The following TDG variants were observed in gnomAD, a reference collection of about 807,000 sequenced individuals.
TDG encodes thymine DNA glycosylase.
Under a neutral mutation model 46.1 loss-of-function variants are expected in TDG, and 23 were observed. The observed-to-expected ratio is 0.50, with a 90% CI of 0.36 to 0.71. The LOEUF is 0.71. Among genes scored for constraint, TDG ranks in the 30% least tolerant of loss-of-function variants. The probability of loss-of-function intolerance (pLI) is 0.00; values close to 1 mark genes in which losing one functional copy is unlikely to be tolerated. For synonymous variants in TDG, 115 were observed against 161.3 expected, an observed-to-expected ratio of 0.71 and a Z score of 2.18; for missense variants, 304 against 486.7, an observed-to-expected ratio of 0.62 and a Z score of 3.53.
chr12:103,988,146 G>C lies in TDG; in HGVS notation c.*1056G>C, dbSNP rs1308902649. 6.6e-6 allele frequency: 1 copy of C among 152,658 alleles called. No individual in the cohort carries two copies. The highest frequency in any genetic ancestry group is 1.5e-5 in the Non-Finnish European group (1 of 68,052). The allele number at this position is 152,658 out of a possible 1,614,324, so 9.5% of individuals were successfully genotyped here. Reference sequence around the variant, plus strand: ...GTATACCTTTGTGATTTTCTAATGAGTTTTCCATGGTGCTACAAATAATCC... The same window carrying C: ...GTATACCTTTGTGATTTTCTAATGACTTTTCCATGGTGCTACAAATAATCC... On this transcript the variant is annotated 3_prime_UTR_variant, in exon 10 of 10. Coordinates refer to ENST00000392872, the MANE Select transcript of TDG (RefSeq NM_003211.6).
chr12:103,972,396 C>T (rs758908598), intron 1 of TDG, among the ~76,000 whole-genome samples: 3 of 152,142 alleles, frequency 2.0e-5, no homozygotes, highest in African/African-American at 4.8e-5. Context: ...GGATTACAGG[C>T]GTGAGCCACT....
In TDG at chr12:103,965,892, T is replaced by C. The variant is rs1350910082; in HGVS notation, c.-146T>C. The C allele has an allele frequency of 1.0e-5, 13 of 1,290,138 alleles. No individual in the cohort carries two copies. The highest frequency in any genetic ancestry group is 1.4e-5 in the Non-Finnish European group (13 of 949,230). 79.9% of individuals were successfully genotyped at this position (1,290,138 alleles called of 1,614,324 possible). A position where few individuals can be genotyped will look rare whatever the true frequency, so the allele number is the denominator to read the frequency against. ...ACGGTAGAAGCCTGGAGGAGGAGCT[T>C]GAGTCCAGCCACTGTCTGGGTACTG... is the stretch of plus-strand genomic sequence containing the variant. On this transcript the variant is annotated 5_prime_UTR_variant, in exon 1 of 10. Coordinates refer to ENST00000392872, the MANE Select transcript of TDG (RefSeq NM_003211.6).
At chr12:103,977,660 T>C (rs1051110150) in intron 2 of TDG, among the ~76,000 whole-genome samples, 15 of 152,296 alleles carry the variant, frequency 9.8e-5, no homozygotes, top group African/African-American at 3.6e-4. Context: ...ATGAAGGCAA[T>C]AGGGAGCTGT....
In TDG at chr12:103,965,900, G is replaced by C; in HGVS notation, c.-138G>C. The C allele has an allele frequency of 2.2e-6, 3 of 1,360,904 alleles. No individual in the cohort carries two copies. Among genetic ancestry groups the C allele is most frequent in the Non-Finnish European group, 2.0e-6 (2 of 1,005,410 alleles). 84.3% of individuals were successfully genotyped at this position (1,360,904 alleles called of 1,614,324 possible). Reference sequence around the variant, plus strand: ...AGCCTGGAGGAGGAGCTTGAGTCCAGCCACTGTCTGGGTACTGCCAGCCAT... The same window carrying C: ...AGCCTGGAGGAGGAGCTTGAGTCCACCCACTGTCTGGGTACTGCCAGCCAT... On this transcript the variant is annotated 5_prime_UTR_variant, in exon 1 of 10. Coordinates refer to ENST00000392872, the MANE Select transcript of TDG (RefSeq NM_003211.6).
rs956824283 is a variant in TDG, at chr12:103,988,844, A to G, written c.*1754A>G. On this transcript the variant is annotated 3_prime_UTR_variant, in exon 10 of 10. Coordinates refer to ENST00000392872, the MANE Select transcript of TDG (RefSeq NM_003211.6). ...CATTTGAAAGTCTGATGGCTTTTAC[A>G]ATAAAAGATATTAAGAATTGTTATC... 2.6e-5 allele frequency: 4 copies of G among 152,218 alleles called. No homozygotes were observed. Among genetic ancestry groups the G allele is most frequent in the African/African-American group, 9.7e-5 (4 of 41,448 alleles). The allele number at this position is 152,218 out of a possible 1,614,324, so 9.4% of individuals were successfully genotyped here. A position where few individuals can be genotyped will look rare whatever the true frequency, so the allele number is the denominator to read the frequency against.
chr12:103,981,134 T>C lies in TDG; in HGVS notation c.478+172T>C, dbSNP rs4135100. On this transcript the variant is annotated intron_variant, in intron 4 of 9. Transcript: ENST00000392872. The stretch of plus-strand genomic sequence containing the variant: ...GAAAATAAGAGAGTTTGAAATGATA[T>C]GTTACTGTTAACATTTTAGTCTATG... Among the ~76,000 whole-genome samples the C allele has an allele frequency of 3.1e-3, 471 of 151,882 alleles. 1 individual carries two copies. Among genetic ancestry groups the C allele is most frequent in the Non-Finnish European group, 3.9e-3 (266 of 67,854 alleles).
chr12:103,983,652 T>C (rs73390435), intron 7 of TDG, among the ~76,000 whole-genome samples: 92 of 152,366 alleles, frequency 6.0e-4, no homozygotes, highest in African/African-American at 1.9e-3. Context: ...CTGGCTCATA[T>C]ACTACATTCA....
intron 1 of TDG, among the ~76,000 whole-genome samples, chr12:103,971,433 G>A (rs955610566): frequency 2.6e-5 from 4 of 152,096 alleles, no homozygotes; most frequent in Admixed American, 2.6e-4. Flanking sequence ...GTAGGTGCCT[G>A]TAATCCCAGC....
chr12:103,979,891 C>A lies in TDG; in HGVS notation c.227C>A (p.Pro76His), dbSNP rs2136238727. The A allele has an allele frequency of 1.9e-6, 3 of 1,606,408 alleles. No homozygotes were observed. In the East Asian group the frequency reaches 6.7e-5, roughly 36 times the overall value. ...ACAGAACCAAAACAACCAGTGGAAC[C>A]CAAAAAACCTGTTGAGTCAAAAAAA... ...RTTEPKQPVE[P>H]KKPVESKKSG... is the part of the protein sequence containing the mutation. The change falls in exon 3 of 10, where the codon CCC (proline) becomes CAC (histidine). Residue 76 changes from proline (P) to histidine (H), a missense_variant. Pro to His is a moderately conservative substitution (Grantham distance 77). Coordinates refer to ENST00000392872, the MANE Select transcript of TDG (RefSeq NM_003211.6).
chr12:103,973,943 T>G (rs917661464), intron 1 of TDG, among the ~76,000 whole-genome samples: 1 of 152,206 alleles, frequency 6.6e-6, no homozygotes, highest in African/African-American at 2.4e-5. Flanking sequence ...TTGTGAACAA[T>G]AAAAGAAATA....
chr12:103,976,863 G>C, intron 1 of TDG, 55 bp from the exon 2 acceptor site: 1 of 1,600,662 alleles, frequency 6.2e-7, no homozygotes, highest in Non-Finnish European at 8.5e-7. Context: ...CTGATCATTT[G>C]GATTTACATT....
At chr12:103,972,745 C>T (rs1358526897) in intron 1 of TDG, among the ~76,000 whole-genome samples, 1 of 152,112 alleles carries the variant, frequency 6.6e-6, no homozygotes, top group East Asian at 1.9e-4. Flanking sequence ...ACTTGATATA[C>T]CTAATATAAA....
intron 2 of TDG, among the ~76,000 whole-genome samples, chr12:103,977,841 A>T (rs556979130): frequency 1.7e-3 from 266 of 152,218 alleles, no homozygotes; most frequent in African/African-American, 6.0e-3. Context: ...AGGCGGGTAG[A>T]TCACCTGAGG....
chr12:103,987,193 CTAGTGGTG>C lies in TDG; in HGVS notation c.*106_*113del. 6.7e-7 allele frequency: 1 copy of C among 1,496,720 alleles called. No homozygotes were observed. The highest frequency in any genetic ancestry group is 9.1e-7 in the Non-Finnish European group (1 of 1,096,800). 92.7% of individuals were successfully genotyped at this position (1,496,720 alleles called of 1,614,324 possible). A position where few individuals can be genotyped will look rare whatever the true frequency, so the allele number is the denominator to read the frequency against. On this transcript the variant is annotated 3_prime_UTR_variant, in exon 10 of 10. Transcript: ENST00000392872. ...TGAAGTGTTTTATTAGTATTTTACT[CTAGTGGTG>C]TAATTGTAATGTAGAACAGTTGTGT...
intron 2 of TDG, among the ~76,000 whole-genome samples, chr12:103,979,250 A>G (rs1305558921): frequency 6.6e-6 from 1 of 151,682 alleles, no homozygotes; most frequent in East Asian, 1.9e-4. Context: ...TTACAGGTGC[A>G]CGACACCATG....
chr12:103,977,560 T>A (rs971566118), intron 2 of TDG, among the ~76,000 whole-genome samples: 2 of 152,028 alleles, frequency 1.3e-5, no homozygotes, highest in African/African-American at 2.4e-5. Flanking sequence ...GTCCTTGGAG[T>A]CTGGGATATA....
chr12:103,966,155 C>A, intron 1 of TDG, 95 bp downstream of exon 1: 3 of 1,362,956 alleles, frequency 2.2e-6, no homozygotes, highest in Non-Finnish European at 2.9e-6. Context: ...CTTTTAAATC[C>A]CGGCCGGAAT....
chr12:103,973,913 T>C (rs1412564569), intron 1 of TDG, among the ~76,000 whole-genome samples: 1 of 152,246 alleles, frequency 6.6e-6, no homozygotes, highest in Non-Finnish European at 1.5e-5. Flanking sequence ...TACTAAGTCA[T>C]AACTTTATTT....
chr12:103,975,114 T>C (rs1001062681), intron 1 of TDG, among the ~76,000 whole-genome samples: 3 of 152,358 alleles, frequency 2.0e-5, no homozygotes, highest in Admixed American at 2.0e-4. Context: ...TTGCTGTAAC[T>C]TGAGTTTCAT....
Sources: allele counts gnomAD v4.1 joint callset (sites outside exome capture counted in the v4.1 genomes callset), GRCh38; gene constraint gnomAD v4.1.1; transcripts MANE v1.5; gene names NCBI Gene and HGNC (gene_info 2026-07-23, HGNC 2026-07-21).